Variants in DOCK7 observed in about 807,000 individuals in gnomAD.
DOCK7 encodes the protein dedicator of cytokinesis protein 7.
DOCK7 carries 138 observed loss-of-function variants against 271.0 expected under a neutral mutation model. The observed-to-expected ratio is 0.51, with a 90% confidence interval of 0.44 to 0.59. The LOEUF (loss-of-function observed/expected upper bound fraction) is 0.59. Ranked by LOEUF, DOCK7 falls within the 20% of genes least tolerant of loss-of-function variation. DOCK7 has a pLI of 0.00. For missense variants in DOCK7, 2,066 were observed against 2,592.4 expected, an observed-to-expected ratio of 0.80 and a Z score of 4.41; for synonymous variants, 823 against 876.1, an observed-to-expected ratio of 0.94 and a Z score of 1.07.
At chr1:62,478,845 T>C (rs1188830578) in intron 43 of DOCK7, 1 of 152,218 alleles carries the variant, frequency 6.6e-6, no homozygotes, top group Non-Finnish European at 1.5e-5. Context: ...AACCACCCAT[T>C]GGCATGCATT....
intron 36 of DOCK7, 116 bp downstream of exon 36, chr1:62,505,566 C>T: frequency 8.8e-7 from 1 of 1,135,072 alleles, no homozygotes; most frequent in Non-Finnish European, 1.2e-6. Context: ...ATTTTAACTA[C>T]ACATATTCAT....
chr1:62,525,578 G>A (rs996351830), intron 31 of DOCK7, among the ~76,000 whole-genome samples: 3 of 152,216 alleles, frequency 2.0e-5, no homozygotes, highest in Non-Finnish European at 4.4e-5. Context: ...TGAGAACAAT[G>A]GTCATTCCCA....
chr1:62,641,952 C>T (rs971536091), intron 7 of DOCK7, among the ~76,000 whole-genome samples: 1 of 151,708 alleles, frequency 6.6e-6, no homozygotes, highest in Non-Finnish European at 1.5e-5. Context: ...TTATGTTTTA[C>T]ATGGATTGCC....
intron 4 of DOCK7, among the ~76,000 whole-genome samples, chr1:62,650,639 T>G (rs1482979803): frequency 6.6e-6 from 1 of 152,124 alleles, no homozygotes; most frequent in African/African-American, 2.4e-5. Flanking sequence ...GCAAACGATA[T>G]GAACAGACAC....
intron 35 of DOCK7, among the ~76,000 whole-genome samples, chr1:62,507,322 C>T (rs1646971998): frequency 6.6e-6 from 1 of 152,146 alleles, no homozygotes. Flanking sequence ...AATCCTGGCT[C>T]TTCTACATAC....
intron 2 of DOCK7, among the ~76,000 whole-genome samples, chr1:62,656,041 C>G (rs572192882): frequency 2.0e-4 from 30 of 152,134 alleles, no homozygotes; most frequent in Non-Finnish European, 4.0e-4. Context: ...TTATTAAGTA[C>G]AAATTATTCT....
At chr1:62,569,712 T>TCCCCCCCCCCCCCCCCC (rs759891951) in intron 18 of DOCK7, among the ~76,000 whole-genome samples, 3 of 57,280 alleles carry the variant, frequency 5.2e-5, no homozygotes, top group Admixed American at 1.9e-4. Flanking sequence ...CTCTCCCCCC[T>TCCCCCCCCCCCCCCCCC]CCCCCCCCCC....
rs915733709 is a variant in DOCK7 at position 62,542,634 on chromosome 1, G to C, written c.3019C>G (p.Gln1007Glu). Residue 1007 changes from glutamine to glutamate, a missense_variant, in exon 25 of 50, where the codon CAA becomes GAA. Physicochemically the swap from Gln to Glu is conservative, Grantham distance 29. Around this residue, in one of 2 missense-constraint regions of DOCK7, gnomAD observed 1,414 missense variants for 1,670.4 expected, o/e 0.85. Coordinates refer to ENST00000635253, the MANE Select transcript of DOCK7 (RefSeq NM_001367561.1). ...SGSVRESALQ[Q>E]AWFFFELMVK... ...ATTAATTCAAAAAAGAACCAGGCTT[G>C]TTGCAAAGCTGATTCCCGAACGCTG... is the stretch of plus-strand genomic sequence containing the variant. 8 of 1,612,632 alleles carry C rather than the reference G, an allele frequency of 5.0e-6. No homozygotes were observed. Among genetic ancestry groups the C allele is most frequent in the Non-Finnish European group, 6.8e-6 (8 of 1,179,212 alleles).
chr1:62,638,842 T>C (rs961571622), intron 7 of DOCK7, among the ~76,000 whole-genome samples: 9 of 151,752 alleles, frequency 5.9e-5, no homozygotes, highest in Non-Finnish European at 1.2e-4. Flanking sequence ...AGGATTACCC[T>C]TTCCATACTA....
At chr1:62,601,390 CTTGA>C (rs1650093898) in intron 14 of DOCK7, among the ~76,000 whole-genome samples, 1 of 151,504 alleles carries the variant, frequency 6.6e-6, no homozygotes, top group East Asian at 1.9e-4. Flanking sequence ...CAAATATGGA[CTTGA>C]TTATTAGATA....
chr1:62,528,395 T>C (rs1645078836), intron 30 of DOCK7, 90 bp from the exon 31 acceptor site: 2 of 1,205,046 alleles, frequency 1.7e-6, no homozygotes, highest in Non-Finnish European at 2.3e-6. Context: ...AAAGAATAAC[T>C]TGTTGACATG....
chr1:62,670,369 G>A (rs1206670205), intron 1 of DOCK7, among the ~76,000 whole-genome samples: 13 of 152,244 alleles, frequency 8.5e-5, no homozygotes, highest in Admixed American at 3.3e-4. Context: ...TGGTGGGGAC[G>A]TGGAGAGTCT....
At chr1:62,458,183 G>A (rs942344769) in intron 48 of DOCK7, 5 of 131,184 alleles carry the variant, frequency 3.8e-5, no homozygotes, top group South Asian at 2.3e-4. Context: ...GTGTGTGTGT[G>A]TACGCGCGCG....
At chr1:62,574,617 G>A (rs1243711128) in intron 18 of DOCK7, among the ~76,000 whole-genome samples, 1 of 152,232 alleles carries the variant, frequency 6.6e-6, no homozygotes, top group East Asian at 1.9e-4. Context: ...CAACATGGCA[G>A]AAGGGTTATT....
At chr1:62,457,503 A>G (rs763835884) in intron 49 of DOCK7, 35 bp downstream of exon 49, 1 of 1,589,700 alleles carries the variant, frequency 6.3e-7, no homozygotes, top group Non-Finnish European at 8.6e-7. Flanking sequence ...GTTTCAGAGG[A>G]AAGAATATCT....
intron 7 of DOCK7, among the ~76,000 whole-genome samples, chr1:62,638,537 A>T (rs1557841724): frequency 1.3e-5 from 2 of 148,486 alleles, no homozygotes; most frequent in African/African-American, 4.9e-5. Flanking sequence ...ATGAATATAT[A>T]TTTTCATGAA....
chr1:62,668,143 C>T (rs1013260031), intron 1 of DOCK7, among the ~76,000 whole-genome samples: 7 of 152,198 alleles, frequency 4.6e-5, no homozygotes, highest in Non-Finnish European at 7.3e-5. Context: ...TCGAATCAAA[C>T]CTTTACATCT....
chr1:62,592,063 G>A (rs1033549023), intron 14 of DOCK7, among the ~76,000 whole-genome samples: 1 of 152,038 alleles, frequency 6.6e-6, no homozygotes, highest in East Asian at 1.9e-4. Flanking sequence ...TATAAACTAC[G>A]TTTGATTTCC....
At chr1:62,491,388 T>A (rs1184689372) in intron 41 of DOCK7, among the ~76,000 whole-genome samples, 1 of 152,212 alleles carries the variant, frequency 6.6e-6, no homozygotes, top group Non-Finnish European at 1.5e-5. Flanking sequence ...AGCAGAAAAG[T>A]CAGAGGAAGT....
Sources: allele counts gnomAD v4.1 joint callset (sites outside exome capture counted in the v4.1 genomes callset), GRCh38; gene constraint gnomAD v4.1.1; regional missense constraint gnomAD v4.1.1; transcripts MANE v1.5; gene names NCBI Gene and HGNC (gene_info 2026-07-23, HGNC 2026-07-21).